Variants in SDK2 observed in about 807,000 individuals in gnomAD.
The protein encoded by SDK2 is protein sidekick-2.
A neutral mutation model predicts 253.9 loss-of-function variants in SDK2; 105 were observed. That is an observed-to-expected ratio of 0.41 (90% confidence interval 0.35 to 0.49). The LOEUF (loss-of-function observed/expected upper bound fraction) is 0.49, where lower values mean the gene tolerates loss of function less well. Among genes scored for constraint, SDK2 ranks in the 20% least tolerant of loss-of-function variants. SDK2 has a pLI of 0.06. For missense variants in SDK2, 2,608 were observed against 3,003.0 expected, an observed-to-expected ratio of 0.87 and a Z score of 3.07; for synonymous variants, 1,249 against 1,234.9, an observed-to-expected ratio of 1.01 and a Z score of -0.24.
chr17:73,498,956 C>T (rs564569941), intron 2 of SDK2, among the ~76,000 whole-genome samples: 1 of 152,310 alleles, frequency 6.6e-6, no homozygotes, highest in South Asian at 2.1e-4. Flanking sequence ...GTTGCCGAAC[C>T]TCTCTGAGCT....
At chr17:73,621,193 T>C (rs973550276) in intron 1 of SDK2, among the ~76,000 whole-genome samples, 1 of 152,206 alleles carries the variant, frequency 6.6e-6, no homozygotes, top group Non-Finnish European at 1.5e-5. Flanking sequence ...CTGAACTATA[T>C]GTACTCAGGG....
intron 12 of SDK2, among the ~76,000 whole-genome samples, chr17:73,427,466 A>C (rs1221384107): frequency 6.6e-6 from 1 of 152,212 alleles, no homozygotes; most frequent in Non-Finnish European, 1.5e-5. Flanking sequence ...ACAAGACCAT[A>C]TGGCTCTCTT....
rs915843225 is a variant in SDK2, at chr17:73,379,039, G to C, written c.4980+138C>G. On this transcript the variant is annotated intron_variant, in intron 36 of 44. Coordinates refer to ENST00000392650, the MANE Select transcript of SDK2 (RefSeq NM_001144952.2). This position sits in a 1 kb window ranked among gnomAD's most constrained non-coding sequence, Gnocchi z 4.5. ...CAGCCAAGGTGGCAGGTGTACCACA[G>C]AGCCTGAAGGGCCGAGGAGCTGGCT... The C allele has an allele frequency of 1.5e-5, 10 of 651,610 alleles. No homozygotes were observed. The highest frequency in any genetic ancestry group is 2.2e-5 in the Non-Finnish European group (8 of 370,154). The allele number at this position is 651,610 out of a possible 1,614,324, so 40.4% of individuals were successfully genotyped here.
At chr17:73,545,738 G>A (rs1176458966) in intron 1 of SDK2, among the ~76,000 whole-genome samples, 2 of 152,190 alleles carry the variant, frequency 1.3e-5, no homozygotes, top group Non-Finnish European at 2.9e-5. Context: ...GCTACTCTCA[G>A]GAGGGTGACC....
At chr17:73,564,010 C>G (rs999839738) in intron 1 of SDK2, among the ~76,000 whole-genome samples, 1 of 152,178 alleles carries the variant, frequency 6.6e-6, no homozygotes, top group Non-Finnish European at 1.5e-5. Flanking sequence ...ATCCACCCAC[C>G]TTGTTTCACA....
intron 2 of SDK2, among the ~76,000 whole-genome samples, chr17:73,502,675 C>CTAACA (rs149296767): frequency 0.011 from 1,729 of 152,234 alleles, 26 homozygotes; most frequent in East Asian, 0.043. Context: ...AGAATGCCAC[C>CTAACA]TAAGTAAAAG....
At chr17:73,406,879 A>G (rs925786743) in intron 18 of SDK2, among the ~76,000 whole-genome samples, 5 of 152,204 alleles carry the variant, frequency 3.3e-5, no homozygotes, top group African/African-American at 1.2e-4. Flanking sequence ...GAACAAGAAG[A>G]ATGGCAATAA....
At chr17:73,625,495 G>A (rs2046189960) in intron 1 of SDK2, among the ~76,000 whole-genome samples, 1 of 152,230 alleles carries the variant, frequency 6.6e-6, no homozygotes, top group South Asian at 2.1e-4. Context: ...GGTCTCACCA[G>A]TGGGCAGGGC....
intron 1 of SDK2, among the ~76,000 whole-genome samples, chr17:73,513,037 G>A (rs1415872981): frequency 6.6e-6 from 1 of 151,712 alleles, no homozygotes; most frequent in East Asian, 1.9e-4. Context: ...AAAATATACT[G>A]TCTTGGCAAA....
intron 12 of SDK2, among the ~76,000 whole-genome samples, chr17:73,425,418 G>A (rs2063273541): frequency 1.3e-5 from 2 of 152,252 alleles, no homozygotes; most frequent in South Asian, 4.1e-4. Context: ...GCAGTGCACT[G>A]CAGCACTGCT....
chr17:73,472,036 GC>G, intron 3 of SDK2, 75 bp downstream of exon 3: 1 of 1,097,340 alleles, frequency 9.1e-7, no homozygotes, highest in Non-Finnish European at 1.3e-6. Flanking sequence ...ATCTGGCTCT[GC>G]CCAGGATGTG....
chr17:73,500,106 TC>T, intron 2 of SDK2, among the ~76,000 whole-genome samples: 1 of 150,278 alleles, frequency 6.7e-6, no homozygotes, highest in African/African-American at 2.5e-5. Flanking sequence ...CCTCCGTCCA[TC>T]CTCCCTCCAT....
Position 73,493,179 on chromosome 17 carries a change from C to T in SDK2, c.224+14259G>A, listed in dbSNP as rs1476280709. ...CACATGGCCTGCACCCATGTCTGTG[C>T]ACCCGTTAACCAGGGATTCAGGCCA... On this transcript the variant is annotated intron_variant, in intron 2 of 44. Transcript: ENST00000392650. Among the ~76,000 whole-genome samples, 3 of 151,952 alleles carry T rather than the reference C, an allele frequency of 2.0e-5. 1 individual carries two copies. Among genetic ancestry groups the T allele is most frequent in the Non-Finnish European group, 2.9e-5 (2 of 67,982 alleles).
At chr17:73,438,631 AAGAC>A (rs34644814) in intron 6 of SDK2, among the ~76,000 whole-genome samples, 33 of 146,654 alleles carry the variant, frequency 2.3e-4, no homozygotes, top group East Asian at 1.2e-3. Context: ...AAGGGCAGAC[AAGAC>A]AGACAGACAG....
rs562270110 is a variant in SDK2, at chr17:73,395,813, G to A, written c.3355-421C>T. Among the ~76,000 whole-genome samples the A allele has an allele frequency of 2.2e-4, 33 of 152,288 alleles. No homozygotes were observed. Among genetic ancestry groups the A allele is most frequent in the Admixed American group, 7.2e-4 (11 of 15,298 alleles). ...GGTCTCAGCTCATGCCTGCCTTTGA[G>A]TGAGCATGGGCAGAGAGCAGGATGA... is the stretch of plus-strand genomic sequence containing the variant. On this transcript the variant is annotated intron_variant, in intron 24 of 44. Transcript: ENST00000392650. The surrounding 1 kb of genome is among the most constrained non-coding windows in gnomAD (Gnocchi z 4.3).
At chr17:73,521,368 C>T (rs1375508489) in intron 1 of SDK2, 1 of 151,518 alleles carries the variant, frequency 6.6e-6, no homozygotes, top group Non-Finnish European at 1.5e-5. Flanking sequence ...AATCTTATCC[C>T]CATCAAAAAA....
intron 1 of SDK2, among the ~76,000 whole-genome samples, chr17:73,601,193 T>C (rs1391333951): frequency 2.0e-5 from 3 of 151,962 alleles, no homozygotes; most frequent in Non-Finnish European, 4.4e-5. Context: ...CTAATTTTTG[T>C]ATTTTTAGTA....
intron 2 of SDK2, among the ~76,000 whole-genome samples, chr17:73,484,852 C>T (rs1171085847): frequency 6.6e-6 from 1 of 152,206 alleles, no homozygotes; most frequent in Non-Finnish European, 1.5e-5. Context: ...TGGGATCTCA[C>T]TATGTTGTCC....
intron 1 of SDK2, among the ~76,000 whole-genome samples, chr17:73,567,118 A>G (rs1360219955): frequency 6.6e-6 from 1 of 152,212 alleles, no homozygotes; most frequent in Non-Finnish European, 1.5e-5. Context: ...AGAGGCCTAA[A>G]AAATGGTTTT....
Sources: allele counts gnomAD v4.1 joint callset (sites outside exome capture counted in the v4.1 genomes callset), GRCh38; gene constraint gnomAD v4.1.1; non-coding constraint Gnocchi (gnomAD v3.1); transcripts MANE v1.5; gene names NCBI Gene and HGNC (gene_info 2026-07-23, HGNC 2026-07-21).